The following DGKI variants were observed in gnomAD, a reference collection of about 807,000 sequenced individuals.
DGKI encodes the protein DAG kinase iota.
Under a neutral mutation model 147.5 loss-of-function variants are expected in DGKI, and 55 were observed. That is an observed-to-expected ratio of 0.37 (90% CI 0.30 to 0.47). The LOEUF is 0.47. DGKI is among the 20% of genes least tolerant of loss of function. DGKI has a pLI of 1.00. For missense variants in DGKI, 1,007 were observed against 1,323.8 expected, an observed-to-expected ratio of 0.76 and a Z score of 3.71; for synonymous variants, 469 against 477.1, an observed-to-expected ratio of 0.98 and a Z score of 0.22.
At chr7:137,417,693 G>A (rs1812410278) in intron 28 of DGKI, among the ~76,000 whole-genome samples, 1 of 152,198 alleles carries the variant, frequency 6.6e-6, no homozygotes, top group Admixed American at 6.5e-5. Flanking sequence ...GGTATTAAGA[G>A]GTGGGGCCTT....
intron 30 of DGKI, among the ~76,000 whole-genome samples, chr7:137,406,930 C>CCAAAAA (rs375788227): frequency 1.1e-5 from 1 of 92,556 alleles, no homozygotes; most frequent in Admixed American, 1.3e-4. Context: ...TGCTGAATTG[C>CCAAAAA]AAAAAAAAAA....
intron 23 of DGKI, among the ~76,000 whole-genome samples, chr7:137,477,998 T>C (rs1209358403): frequency 6.6e-6 from 1 of 152,200 alleles, no homozygotes; most frequent in Non-Finnish European, 1.5e-5. Flanking sequence ...CACATATGTA[T>C]TCATGTATGT....
chr7:137,573,400 T>G (rs746432389), intron 17 of DGKI, among the ~76,000 whole-genome samples: 1 of 152,210 alleles, frequency 6.6e-6, no homozygotes, highest in Non-Finnish European at 1.5e-5. Context: ...TAGTATTATC[T>G]TCATTCGTGG....
chr7:137,491,505 C>T (rs966545807), intron 21 of DGKI, among the ~76,000 whole-genome samples: 1 of 152,158 alleles, frequency 6.6e-6, no homozygotes, highest in African/African-American at 2.4e-5. Context: ...ACCTGCATTC[C>T]ATATTTCTAG....
chr7:137,508,336 C>G (rs1816444414), intron 21 of DGKI, among the ~76,000 whole-genome samples: 1 of 148,418 alleles, frequency 6.7e-6, no homozygotes, highest in South Asian at 2.2e-4. Context: ...ACTCCTTTCT[C>G]CTGCCTCAGC....
At chr7:137,492,118 T>C (rs1288366251) in intron 21 of DGKI, among the ~76,000 whole-genome samples, 1 of 152,126 alleles carries the variant, frequency 6.6e-6, no homozygotes, top group Non-Finnish European at 1.5e-5. Flanking sequence ...TTCACTCAGT[T>C]CCCCCACATC....
intron 1 of DGKI, among the ~76,000 whole-genome samples, chr7:137,817,540 C>A (rs542013234): frequency 3.3e-5 from 5 of 152,264 alleles, no homozygotes; most frequent in Admixed American, 2.0e-4. Flanking sequence ...GTGTATAGAA[C>A]AAGTAAAGAC....
At chr7:137,812,817 ATGTTGCGCCTTTGT>A (rs1423608102) in intron 1 of DGKI, among the ~76,000 whole-genome samples, 1 of 152,206 alleles carries the variant, frequency 6.6e-6, no homozygotes, top group Non-Finnish European at 1.5e-5. Context: ...TCACTAAGCT[ATGTTGCGCCTTTGT>A]GTGATACTAA....
chr7:137,768,844 T>C (rs1796095008), intron 1 of DGKI, among the ~76,000 whole-genome samples: 1 of 152,218 alleles, frequency 6.6e-6, no homozygotes, highest in South Asian at 2.1e-4. Flanking sequence ...CTGCAGTTCC[T>C]ATTCAATGGT....
intron 29 of DGKI, among the ~76,000 whole-genome samples, chr7:137,409,360 C>T (rs1410312589): frequency 6.6e-6 from 1 of 152,178 alleles, no homozygotes; most frequent in Non-Finnish European, 1.5e-5. Flanking sequence ...AGTCACTGTG[C>T]TCAAAGCCCT....
intron 19 of DGKI, among the ~76,000 whole-genome samples, chr7:137,561,907 A>G (rs1277855265): frequency 6.6e-6 from 1 of 152,230 alleles, no homozygotes; most frequent in East Asian, 1.9e-4. Flanking sequence ...TCCAGAATTC[A>G]GAATTCTATA....
At chr7:137,620,672 G>T (rs777451892) in intron 7 of DGKI, among the ~76,000 whole-genome samples, 1 of 152,142 alleles carries the variant, frequency 6.6e-6, no homozygotes, top group South Asian at 2.1e-4. Flanking sequence ...GTAGGCTAAC[G>T]ATCATAACAA....
At chr7:137,725,402 A>G (rs533330157) in intron 1 of DGKI, among the ~76,000 whole-genome samples, 3 of 152,200 alleles carry the variant, frequency 2.0e-5, no homozygotes, top group Non-Finnish European at 4.4e-5. Flanking sequence ...CCTTCCCCCA[A>G]TTCATTACAT....
chr7:137,765,227 A>C (rs1283275767), intron 1 of DGKI, among the ~76,000 whole-genome samples: 1 of 152,164 alleles, frequency 6.6e-6, no homozygotes, highest in African/African-American at 2.4e-5. Flanking sequence ...AGTCAAATAA[A>C]ACTTCAGTGT....
chr7:137,512,777 G>C (rs1816621245), intron 21 of DGKI, among the ~76,000 whole-genome samples: 1 of 152,114 alleles, frequency 6.6e-6, no homozygotes, highest in South Asian at 2.1e-4. Context: ...CACAGCACCA[G>C]AGCATATTTT....
intron 20 of DGKI, among the ~76,000 whole-genome samples, chr7:137,534,476 C>G (rs1029377704): frequency 2.0e-5 from 3 of 151,792 alleles, no homozygotes; most frequent in African/African-American, 7.3e-5. Context: ...TATAATCATG[C>G]TTTAGGAATT....
intron 1 of DGKI, among the ~76,000 whole-genome samples, chr7:137,819,389 G>A (rs533697239): frequency 1.6e-4 from 24 of 149,908 alleles, no homozygotes; most frequent in African/African-American, 4.6e-4. Flanking sequence ...TCGGCTCACC[G>A]CAAGCTCCAC....
intron 20 of DGKI, among the ~76,000 whole-genome samples, chr7:137,550,124 AAAGT>A (rs1346814009): frequency 1.3e-5 from 2 of 151,956 alleles, no homozygotes; most frequent in African/African-American, 2.4e-5. Context: ...CCTCTGGTAG[AAAGT>A]AAGTAACAGT....
At chr7:137,662,478 C>T (rs186819742) in intron 3 of DGKI, among the ~76,000 whole-genome samples, 89 of 152,092 alleles carry the variant, frequency 5.9e-4, no homozygotes, top group African/African-American at 1.9e-3. Context: ...CTCCTGATCT[C>T]GTGATCCACC....
Sources: gnomAD v4.1 joint callset for allele counts (sites outside exome capture counted in the v4.1 genomes callset) on GRCh38, gnomAD v4.1.1 for gene constraint, MANE v1.5 for transcripts, NCBI Gene and HGNC (gene_info 2026-07-23, HGNC 2026-07-21) for gene names.